The following PHF21A variants were observed in gnomAD, a reference collection of about 807,000 sequenced individuals.
The protein encoded by PHF21A is BHC80a.
PHF21A carries 11 observed loss-of-function variants against 82.5 expected under a neutral mutation model. That is an observed-to-expected ratio of 0.13 (90% CI 0.08 to 0.22). The LOEUF is 0.22. PHF21A is among the 10% of genes least tolerant of loss of function. The pLI, the probability that PHF21A is intolerant of heterozygous loss-of-function variation, is 1.00. For missense variants in PHF21A, 579 were observed against 837.8 expected (o/e 0.69, Z 3.81); for synonymous variants, 297 against 302.8 (o/e 0.98, Z 0.20).
chr11:46,094,898 C>CA (rs951414725), intron 1 of PHF21A, among the ~76,000 whole-genome samples: 2 of 151,910 alleles, frequency 1.3e-5, no homozygotes, highest in African/African-American at 2.4e-5. Context: ...GTCTCCGTCC[C>CA]AAAAAAAGAC....
intron 4 of PHF21A, among the ~76,000 whole-genome samples, chr11:46,082,884 C>A (rs1437618292): frequency 6.6e-6 from 1 of 152,058 alleles, no homozygotes; most frequent in Non-Finnish European, 1.5e-5. Flanking sequence ...GTTAACTTTG[C>A]CATCTCAATA....
intron 10 of PHF21A, among the ~76,000 whole-genome samples, chr11:45,959,573 A>G (rs2092947732): frequency 6.6e-6 from 1 of 152,216 alleles, no homozygotes; most frequent in South Asian, 2.1e-4. Flanking sequence ...AAGAAAAGGC[A>G]CCCAAATTGG....
At chr11:45,936,642 G>A in intron 16 of PHF21A, 73 bp from the exon 17 acceptor site, 1 of 956,110 alleles carries the variant, frequency 1.0e-6, no homozygotes, top group African/African-American at 1.6e-5. Context: ...AGCTAGCAGT[G>A]GTATCTGTGG....
chr11:45,967,836 G>T (rs762337114), intron 9 of PHF21A, among the ~76,000 whole-genome samples: 4 of 152,206 alleles, frequency 2.6e-5, no homozygotes, highest in African/African-American at 4.8e-5. Flanking sequence ...TCTGTAATCA[G>T]CATGTGCCTA....
At chr11:45,950,043 G>C (rs936254722) in intron 12 of PHF21A, among the ~76,000 whole-genome samples, 163 bp downstream of exon 12, 10 of 152,188 alleles carry the variant, frequency 6.6e-5, no homozygotes, top group Non-Finnish European at 1.0e-4. Context: ...ACATTAGACA[G>C]AGGGAAGGCA....
chr11:46,041,779 T>C (rs1461677969), intron 6 of PHF21A, among the ~76,000 whole-genome samples: 2 of 152,172 alleles, frequency 1.3e-5, no homozygotes, highest in African/African-American at 4.8e-5. Context: ...CCTTCCACGC[T>C]CCCTGAACTA....
At chr11:46,061,458 CATT>C (rs2096534046) in intron 6 of PHF21A, among the ~76,000 whole-genome samples, 1 of 152,158 alleles carries the variant, frequency 6.6e-6, no homozygotes, top group Non-Finnish European at 1.5e-5. Context: ...ATATAAATAA[CATT>C]AATTAATTGG....
chr11:46,104,297 G>A (rs1403430010), intron 1 of PHF21A, among the ~76,000 whole-genome samples: 1 of 152,076 alleles, frequency 6.6e-6, no homozygotes, highest in Non-Finnish European at 1.5e-5. Context: ...CAGCTGATGA[G>A]TATTTAAGAC....
At chr11:45,951,940 G>A (rs1319299558) in intron 11 of PHF21A, among the ~76,000 whole-genome samples, 1 of 151,632 alleles carries the variant, frequency 6.6e-6, no homozygotes, top group Non-Finnish European at 1.5e-5. Flanking sequence ...CCGAGTACCT[G>A]GGACTATAGG....
chr11:46,043,869 G>A (rs2138877914), intron 6 of PHF21A, among the ~76,000 whole-genome samples: 2 of 152,302 alleles, frequency 1.3e-5, no homozygotes, highest in South Asian at 4.1e-4. Flanking sequence ...CAGACTTGAA[G>A]TTCCACATTT....
chr11:46,076,511 C>T (rs980632178), intron 6 of PHF21A, among the ~76,000 whole-genome samples: 3 of 152,128 alleles, frequency 2.0e-5, no homozygotes, highest in Admixed American at 6.6e-5. Context: ...ACACAGTTAA[C>T]GGCAGCCTGC....
At chr11:46,086,284 A>G (rs2096856522) in intron 3 of PHF21A, among the ~76,000 whole-genome samples, 1 of 152,044 alleles carries the variant, frequency 6.6e-6, no homozygotes, top group Non-Finnish European at 1.5e-5. Context: ...ACACCCGGCT[A>G]ATTTTTTTGT....
intron 2 of PHF21A, among the ~76,000 whole-genome samples, chr11:46,091,484 CTCTT>C (rs1024903143): frequency 2.6e-5 from 4 of 152,142 alleles, no homozygotes; most frequent in African/African-American, 9.7e-5. Context: ...ACATTTCTCT[CTCTT>C]TTTCTCTCTT....
At chr11:46,007,269 T>C (rs2095315923) in intron 6 of PHF21A, among the ~76,000 whole-genome samples, 1 of 152,024 alleles carries the variant, frequency 6.6e-6, no homozygotes, top group African/African-American at 2.4e-5. Context: ...AAGCCAGGAA[T>C]CTGTGGCACT....
intron 1 of PHF21A, among the ~76,000 whole-genome samples, chr11:46,108,603 T>C (rs1400919472): frequency 6.7e-6 from 1 of 149,636 alleles, no homozygotes; most frequent in African/African-American, 2.5e-5. Flanking sequence ...CATATGTAAA[T>C]GCACAGGAAA....
chr11:45,996,350 T>C lies in PHF21A; in HGVS notation c.154-16384A>G, dbSNP rs977113931. On this transcript the variant is annotated intron_variant, in intron 6 of 18. Coordinates refer to ENST00000676320, the MANE Select transcript of PHF21A (RefSeq NM_001352027.3). ...TGATCTATATTACAATTAGATCACA[T>C]TGGTGTCTACAAGCTACATGTGGTA... Among the ~76,000 whole-genome samples the C allele has an allele frequency of 1.2e-4, 18 of 152,220 alleles. No individual in the cohort carries two copies. The East Asian group carries it at 3.1e-3, about 26-fold the overall frequency.
At chr11:46,024,662 G>A (rs973321060) in intron 6 of PHF21A, among the ~76,000 whole-genome samples, 4 of 152,092 alleles carry the variant, frequency 2.6e-5, no homozygotes, top group Non-Finnish European at 5.9e-5. Context: ...TTAGCCAGGT[G>A]TGGTGGCACA....
At chr11:45,952,900 T>A (rs929979704) in intron 11 of PHF21A, among the ~76,000 whole-genome samples, 2 of 152,262 alleles carry the variant, frequency 1.3e-5, no homozygotes, top group Non-Finnish European at 2.9e-5. Context: ...AAAAATTTGC[T>A]TGTCTAAGGA....
intron 6 of PHF21A, among the ~76,000 whole-genome samples, chr11:46,020,946 C>T (rs1016670712): frequency 1.3e-5 from 2 of 151,826 alleles, no homozygotes; most frequent in African/African-American, 2.4e-5. Context: ...TATTCTAAGT[C>T]GAAAGTGCAT....
Sources: allele counts gnomAD v4.1 joint callset (sites outside exome capture counted in the v4.1 genomes callset), GRCh38; gene constraint gnomAD v4.1.1; transcripts MANE v1.5; gene names NCBI Gene and HGNC (gene_info 2026-07-23, HGNC 2026-07-21).